MBNL2: variants seen among roughly 807,000 people sequenced by gnomAD.
MBNL2 encodes the protein muscleblind like splicing regulator 2.
MBNL2 carries 17 observed loss-of-function variants against 41.9 expected under a neutral mutation model. The ratio of observed to expected loss-of-function variants is 0.41; its 90% CI spans 0.28 to 0.61. The LOEUF (loss-of-function observed/expected upper bound fraction) is 0.61. Among genes scored for constraint, MBNL2 ranks in the 20% least tolerant of loss-of-function variants. The pLI is 0.35. For synonymous variants in MBNL2, 195 were observed against 182.9 expected (o/e 1.07, Z -0.53); for missense variants, 336 against 505.6 (o/e 0.66, Z 3.22).
intron 2 of MBNL2, among the ~76,000 whole-genome samples, chr13:97,300,445 A>T (rs376715790): frequency 8.9e-4 from 136 of 152,306 alleles, no homozygotes; most frequent in African/African-American, 3.1e-3. Flanking sequence ...ATCATCAGGC[A>T]TTAGAGTCTC....
At chr13:97,310,013 A>AAT (rs2058447406) in intron 2 of MBNL2, among the ~76,000 whole-genome samples, 2 of 152,248 alleles carry the variant, frequency 1.3e-5, no homozygotes, top group Non-Finnish European at 2.9e-5. Flanking sequence ...ATTCATTTGA[A>AAT]GAGATTTAAC....
rs1321025885 is a variant in MBNL2 at position 97,222,363 on chromosome 13, A to G, written c.-773A>G. ...GTCTTTGCTTCATCATCTGAAGGTA[A>G]AATTTTCCAGATACGGCAGACGGCT... On this transcript the variant is annotated 5_prime_UTR_variant, in exon 1 of 9. Transcript: ENST00000679496. 3 of 398,484 alleles carry G rather than the reference A, an allele frequency of 7.5e-6. No individual in the cohort carries two copies. The highest frequency in any genetic ancestry group is 1.3e-5 in the Non-Finnish European group (3 of 226,060). 24.7% of individuals were successfully genotyped at this position (398,484 alleles called of 1,614,324 possible). A position where few individuals can be genotyped will look rare whatever the true frequency, so the allele number is the denominator to read the frequency against.
chr13:97,314,578 CTTAT>C (rs1422421482), intron 2 of MBNL2, among the ~76,000 whole-genome samples: 1 of 152,212 alleles, frequency 6.6e-6, no homozygotes, highest in East Asian at 1.9e-4. Flanking sequence ...TAAATGAACA[CTTAT>C]TTATCACTCA....
At chr13:97,147,391 CACCA>C in the MBNL2 span, among the ~76,000 whole-genome samples, 1 of 152,164 alleles carries the variant, frequency 6.6e-6, no homozygotes. Context: ...CATTCCTCCC[CACCA>C]AGCACTGTAA....
chr13:97,247,511 G>A (rs928135544), intron 1 of MBNL2, among the ~76,000 whole-genome samples: 1 of 152,164 alleles, frequency 6.6e-6, no homozygotes, highest in Non-Finnish European at 1.5e-5. Flanking sequence ...TGCTCTTAGG[G>A]TTGGCTTCAT....
At position 97,346,385 on chromosome 13, in the gene MBNL2, T is replaced by G. The variant is rs549854392; in HGVS notation, c.541-419T>G. On this transcript the variant is annotated intron_variant, in intron 4 of 8. Coordinates refer to ENST00000679496, the MANE Select transcript of MBNL2 (RefSeq NM_001382683.1). The surrounding 1 kb of genome is among the most constrained non-coding windows in gnomAD (Gnocchi z 4.2). The stretch of plus-strand genomic sequence containing the variant: ...ATGAACAGGTGGATAGATGATTGGA[T>G]AGATTGATTGATGGTAGATGATAGA... Among the ~76,000 whole-genome samples, 7 of 151,920 alleles carry G rather than the reference T, an allele frequency of 4.6e-5. No individual in the cohort carries two copies. Among genetic ancestry groups the G allele is most frequent in the African/African-American group, 1.5e-4 (6 of 41,328 alleles).
chr13:97,234,563 T>C (rs184717214), intron 1 of MBNL2, among the ~76,000 whole-genome samples: 2 of 152,286 alleles, frequency 1.3e-5, no homozygotes, highest in African/African-American at 4.8e-5. Flanking sequence ...CACAACTGCA[T>C]GATGGGATGC....
the MBNL2 span, among the ~76,000 whole-genome samples, chr13:97,166,782 TGATAGATAGATA>T: frequency 0.052 from 7,248 of 139,928 alleles, 232 homozygotes; most frequent in African/African-American, 0.091. Context: ...AAACTTCCCT[TGATAGATAGATA>T]GATAGATAGA....
chr13:97,252,072 G>A (rs892237524), intron 1 of MBNL2, among the ~76,000 whole-genome samples: 2 of 150,704 alleles, frequency 1.3e-5, no homozygotes, highest in African/African-American at 4.9e-5. Context: ...GGATGGTCTC[G>A]ATCTCCTGAC....
At chr13:97,175,526 TG>T in the MBNL2 span, among the ~76,000 whole-genome samples, 1 of 152,156 alleles carries the variant, frequency 6.6e-6, no homozygotes, top group African/African-American at 2.4e-5. Flanking sequence ...AATGAGATGG[TG>T]GCCAAATTGC....
intron 1 of MBNL2, among the ~76,000 whole-genome samples, chr13:97,262,472 G>T (rs2048826911): frequency 6.6e-6 from 1 of 152,098 alleles, no homozygotes; most frequent in Non-Finnish European, 1.5e-5. Context: ...TCTGTGGTTT[G>T]CCTTACTCCT....
intron 2 of MBNL2, among the ~76,000 whole-genome samples, chr13:97,286,117 C>T (rs116569803): frequency 0.017 from 2,572 of 152,300 alleles, 63 homozygotes; most frequent in African/African-American, 0.049. Context: ...TATCTCAGCC[C>T]TGATTTCTCT....
the MBNL2 span, among the ~76,000 whole-genome samples, chr13:97,183,096 T>G: frequency 6.6e-6 from 1 of 152,202 alleles, no homozygotes; most frequent in Non-Finnish European, 1.5e-5. Flanking sequence ...TCAAAGGTTA[T>G]GGACTAGGGT....
chr13:97,304,906 C>T (rs114120002), intron 2 of MBNL2, among the ~76,000 whole-genome samples: 1,714 of 152,278 alleles, frequency 0.011, 34 homozygotes, highest in African/African-American at 0.039. Context: ...CCAGCTCTGC[C>T]TAATTTAGAG....
chr13:97,276,816 C>G (rs542212976), intron 2 of MBNL2, among the ~76,000 whole-genome samples: 1 of 143,122 alleles, frequency 7.0e-6, no homozygotes, highest in South Asian at 2.2e-4. Flanking sequence ...ATTCTTATGG[C>G]TTTTTTTTTT....
At chr13:97,344,338 G>T (rs1197166264) in intron 4 of MBNL2, among the ~76,000 whole-genome samples, 2 of 152,170 alleles carry the variant, frequency 1.3e-5, no homozygotes, top group Non-Finnish European at 2.9e-5. Flanking sequence ...GGTGTATAAA[G>T]ATTCTCATAG....
intron 1 of MBNL2, among the ~76,000 whole-genome samples, chr13:97,257,368 T>A (rs994554637): frequency 3.9e-5 from 6 of 152,072 alleles, no homozygotes; most frequent in Non-Finnish European, 2.9e-5. Context: ...GTATCACAGG[T>A]TAGGCCAGGT....
At chr13:97,252,843 T>C (rs2046830356) in intron 1 of MBNL2, among the ~76,000 whole-genome samples, 1 of 152,202 alleles carries the variant, frequency 6.6e-6, no homozygotes, top group African/African-American at 2.4e-5. Context: ...TCTCCTCTTT[T>C]CCAGTAGCTA....
At chr13:97,151,179 C>A in the MBNL2 span, among the ~76,000 whole-genome samples, 1 of 152,140 alleles carries the variant, frequency 6.6e-6, no homozygotes, top group Admixed American at 6.5e-5. Context: ...GTGGGTGAAG[C>A]CAGGAAGCAA....
Sources: allele counts gnomAD v4.1 joint callset (sites outside exome capture counted in the v4.1 genomes callset), GRCh38; gene constraint gnomAD v4.1.1; non-coding constraint Gnocchi (gnomAD v3.1); transcripts MANE v1.5; gene names NCBI Gene and HGNC (gene_info 2026-07-23, HGNC 2026-07-21).